Variants in ANKFN1 observed in about 807,000 individuals in gnomAD.
ANKFN1 encodes the protein ankyrin repeat and fibronectin type III domain containing 1.
Under a neutral mutation model 108.7 loss-of-function variants are expected in ANKFN1, and 74 were observed. That is an observed-to-expected ratio of 0.68 (90% CI 0.56 to 0.83). ANKFN1 has a LOEUF of 0.83. Among genes scored for constraint, ANKFN1 ranks in the 40% least tolerant of loss-of-function variants. ANKFN1 has a pLI of 0.00. For missense variants in ANKFN1, 1,505 were observed against 1,382.3 expected, an observed-to-expected ratio of 1.09 and a Z score of -1.41; for synonymous variants, 547 against 516.2, an observed-to-expected ratio of 1.06 and a Z score of -0.81.
intron 3 of ANKFN1, among the ~76,000 whole-genome samples, chr17:56,313,943 A>G (rs569891418): frequency 1.9e-4 from 29 of 152,202 alleles, no homozygotes; most frequent in Non-Finnish European, 3.7e-4. Context: ...CCAACCCAGT[A>G]CAACCTAGGC....
At chr17:56,302,532 A>C (rs12950620) in intron 3 of ANKFN1, among the ~76,000 whole-genome samples, 1 of 142,662 alleles carries the variant, frequency 7.0e-6, no homozygotes, top group Non-Finnish European at 1.5e-5. Flanking sequence ...AAAAAAAAAA[A>C]AGAGAGAGAG....
chr17:56,436,337 G>A (rs2048927789), intron 8 of ANKFN1, among the ~76,000 whole-genome samples: 1 of 152,156 alleles, frequency 6.6e-6, no homozygotes, highest in Non-Finnish European at 1.5e-5. Flanking sequence ...ATGAGCCATT[G>A]CGCAATTAAG....
intron 3 of ANKFN1, among the ~76,000 whole-genome samples, chr17:56,280,642 C>CTA (rs539288425): frequency 2.6e-5 from 4 of 152,140 alleles, no homozygotes; most frequent in Non-Finnish European, 5.9e-5. Context: ...TCCGATATAT[C>CTA]TATATATATC....
At chr17:56,151,640 C>T (rs1242418512), upstream of ANKFN1, among the ~76,000 whole-genome samples, 1 of 152,072 alleles carries the variant, frequency 6.6e-6, no homozygotes, top group Non-Finnish European at 1.5e-5. Flanking sequence ...CTAACTGGGC[C>T]TTTTTGCAAC....
intron 8 of ANKFN1, among the ~76,000 whole-genome samples, chr17:56,434,244 C>T (rs1294514090): frequency 6.6e-6 from 1 of 151,970 alleles, no homozygotes; most frequent in Non-Finnish European, 1.5e-5. Flanking sequence ...GGAGAGTACA[C>T]GATATATGTA....
At chr17:56,071,562 T>A (rs945735160) in intron 4 of ANKFN1, among the ~76,000 whole-genome samples, 1 of 152,272 alleles carries the variant, frequency 6.6e-6, no homozygotes, top group Admixed American at 6.5e-5. Flanking sequence ...AGAATCAACC[T>A]AATGCCAAAA....
intron 4 of ANKFN1, among the ~76,000 whole-genome samples, chr17:56,127,071 C>T (rs538425680): frequency 3.3e-5 from 5 of 152,230 alleles, no homozygotes; most frequent in African/African-American, 1.2e-4. Context: ...TGGCTCATAG[C>T]ACAAGAGTGT....
intron 3 of ANKFN1, among the ~76,000 whole-genome samples, chr17:56,276,379 G>A (rs750528159): frequency 2.1e-4 from 32 of 152,056 alleles, no homozygotes; most frequent in African/African-American, 5.8e-4. Context: ...TAACGGGATC[G>A]CTGGGTCAAA....
At position 56,208,735 on chromosome 17, in the gene ANKFN1, T is replaced by C. The variant is rs571696931; in HGVS notation, c.-70-3863T>C. ...TTTACATCCCTATTCAGTGTGGCTG[T>C]CCTATTCCTCAATGCAGCAGCTTTA... On this transcript the variant is annotated intron_variant, in intron 1 of 20. Transcript: ENST00000682825. Among the ~76,000 whole-genome samples the C allele has an allele frequency of 5.3e-5, 8 of 152,290 alleles. No individual in the cohort carries two copies. The South Asian group carries it at 1.2e-3, about 24-fold the overall frequency.
At chr17:56,385,455 T>A (rs143593194) in intron 8 of ANKFN1, among the ~76,000 whole-genome samples, 1 of 151,762 alleles carries the variant, frequency 6.6e-6, no homozygotes, top group Non-Finnish European at 1.5e-5. Context: ...GCAACAAAAG[T>A]CAAAATTGAC....
At chr17:56,308,440 G>T (rs937960807) in intron 3 of ANKFN1, among the ~76,000 whole-genome samples, 1 of 151,650 alleles carries the variant, frequency 6.6e-6, no homozygotes, top group African/African-American at 2.4e-5. Context: ...TAGTTCTAGT[G>T]GTCTTTTTGT....
intron 3 of ANKFN1, among the ~76,000 whole-genome samples, chr17:56,271,135 C>T (rs2043782996): frequency 6.6e-6 from 1 of 151,960 alleles, no homozygotes; most frequent in South Asian, 2.1e-4. Flanking sequence ...TCAGCCTCCC[C>T]AGTAACTGGG....
intron 1 of ANKFN1, among the ~76,000 whole-genome samples, chr17:56,209,669 C>CT (rs568896928): frequency 1.8e-4 from 27 of 151,800 alleles, no homozygotes; most frequent in South Asian, 2.1e-4. Context: ...AGGAGAGTGA[C>CT]TTTTTTTATT....
At chr17:56,478,520 C>T (rs962316158) in intron 16 of ANKFN1, among the ~76,000 whole-genome samples, 3 of 152,000 alleles carry the variant, frequency 2.0e-5, no homozygotes, top group Non-Finnish European at 4.4e-5. Context: ...TAACAAGGCC[C>T]GAGCTTCTGG....
chr17:56,099,447 C>T (rs1022856509), intron 4 of ANKFN1, among the ~76,000 whole-genome samples: 5 of 152,296 alleles, frequency 3.3e-5, no homozygotes, highest in African/African-American at 1.2e-4. Context: ...CATCATGCTT[C>T]CACCATTCTT....
intron 4 of ANKFN1, among the ~76,000 whole-genome samples, chr17:56,097,729 G>C (rs1040255992): frequency 1.3e-5 from 2 of 152,176 alleles, no homozygotes; most frequent in African/African-American, 4.8e-5. Flanking sequence ...CACTCTGTCA[G>C]CCTCGTCTTT....
chr17:56,142,303 AT>A lies in ANKFN1; in HGVS notation c.289-85610del, dbSNP rs1779085433. 2.0e-5 allele frequency among the ~76,000 whole-genome samples: 3 copies of A among 152,264 alleles called. No individual in the cohort carries two copies. In the South Asian group the frequency reaches 6.2e-4, roughly 32 times the overall value. On this transcript the variant is annotated intron_variant, in intron 4 of 12. Coordinates refer to the ANKFN1 transcript ENST00000635860. ...AAGTCACACAAATGCTGCTCTGATA[AT>A]TTTGTCAACTGGGTGGAAACGACAA...
intron 15 of ANKFN1, among the ~76,000 whole-genome samples, chr17:56,476,611 A>G (rs1432887638): frequency 6.6e-6 from 1 of 152,242 alleles, no homozygotes; most frequent in African/African-American, 2.4e-5. Flanking sequence ...ATCAAATAAC[A>G]TGCAAAGCCA....
chr17:56,438,035 G>A (rs750369446), intron 8 of ANKFN1, among the ~76,000 whole-genome samples: 54 of 148,150 alleles, frequency 3.6e-4, no homozygotes, highest in Non-Finnish European at 6.4e-4. Flanking sequence ...TGATTTGTAA[G>A]TATTTAATAA....
Sources: gnomAD v4.1 joint callset for allele counts (sites outside exome capture counted in the v4.1 genomes callset) on GRCh38, gnomAD v4.1.1 for gene constraint, MANE v1.5 for transcripts, NCBI Gene and HGNC (gene_info 2026-07-23, HGNC 2026-07-21) for gene names.